The following NUSAP1 variants were observed in gnomAD, a reference collection of about 807,000 sequenced individuals.
NUSAP1 encodes nucleolar and spindle associated protein 1.
Under a neutral mutation model 52.8 loss-of-function variants are expected in NUSAP1, and 32 were observed. The ratio of observed to expected loss-of-function variants is 0.61; its 90% CI spans 0.46 to 0.81. NUSAP1 has a LOEUF of 0.81. Among genes scored for constraint, NUSAP1 ranks in the 40% least tolerant of loss-of-function variants. NUSAP1 has a pLI of 0.00. For missense variants in NUSAP1, 499 were observed against 522.3 expected (o/e 0.96, Z 0.43); for synonymous variants, 195 against 183.1 (o/e 1.06, Z -0.52).
At chr15:41,333,707 G>C (rs1185908849) in intron 1 of NUSAP1, among the ~76,000 whole-genome samples, 1 of 152,192 alleles carries the variant, frequency 6.6e-6, no homozygotes, top group Non-Finnish European at 1.5e-5. Flanking sequence ...GATCACCTGA[G>C]GTCAGGAGTT....
rs2048032471 is a variant in NUSAP1 at position 41,334,212 on chromosome 15, G to T, written c.93+1162G>T. Among the ~76,000 whole-genome samples the T allele has an allele frequency of 2.0e-5, 3 of 152,122 alleles. No homozygotes were observed. In the South Asian group the frequency reaches 6.2e-4, roughly 31 times the overall value. Reference sequence around the variant, plus strand: ...CGGCTCACCGCAACCTCCGCCTCCTGGGTTCAAGCGATTCTCCTGCCTCAG... The same window carrying T: ...CGGCTCACCGCAACCTCCGCCTCCTTGGTTCAAGCGATTCTCCTGCCTCAG... On this transcript the variant is annotated intron_variant, in intron 1 of 10. Transcript: ENST00000559596.
chr15:41,356,471 C>T (rs1454464340), intron 5 of NUSAP1, among the ~76,000 whole-genome samples: 2 of 150,786 alleles, frequency 1.3e-5, no homozygotes, highest in Admixed American at 6.7e-5. Context: ...TCTCCTGACT[C>T]AGCCTCCCTA....
At chr15:41,365,677 G>A (rs945873200) in intron 7 of NUSAP1, 88 bp downstream of exon 7, 21 of 923,940 alleles carry the variant, frequency 2.3e-5, no homozygotes, top group African/African-American at 2.0e-4. Context: ...AATAATATTC[G>A]TACATACTCA....
intron 5 of NUSAP1, among the ~76,000 whole-genome samples, chr15:41,356,854 TTCTCTATCTTA>T (rs2048992619): frequency 6.6e-6 from 1 of 152,206 alleles, no homozygotes; most frequent in Non-Finnish European, 1.5e-5. Context: ...CATGTAAGTC[TTCTCTATCTTA>T]TATTGTTGGA....
intron 6 of NUSAP1, among the ~76,000 whole-genome samples, chr15:41,364,215 A>G (rs1404442829): frequency 2.6e-5 from 4 of 152,192 alleles, no homozygotes; most frequent in Middle Eastern, 3.4e-3. Context: ...CTTTGTGGCT[A>G]CAAGGGACTG....
chr15:41,375,499 G>A (rs568987317), intron 8 of NUSAP1, among the ~76,000 whole-genome samples: 1 of 151,984 alleles, frequency 6.6e-6, no homozygotes, highest in Non-Finnish European at 1.5e-5. Context: ...TTTTTGTGGA[G>A]ACAGGGTTTC....
intron 2 of NUSAP1, 149 bp from the exon 3 acceptor site, chr15:41,348,949 C>A (rs2048683264): frequency 2.7e-6 from 2 of 738,910 alleles, no homozygotes; most frequent in Non-Finnish European, 4.2e-6. Flanking sequence ...CTCTATAATT[C>A]TTGTCTTTGC....
intron 3 of NUSAP1, among the ~76,000 whole-genome samples, chr15:41,349,698 C>A (rs376751237): frequency 6.6e-6 from 1 of 150,958 alleles, no homozygotes; most frequent in African/African-American, 2.4e-5. Flanking sequence ...TGGTTTTATT[C>A]TTTTATCTTA....
At position 41,375,884 on chromosome 15, in the gene NUSAP1, C is replaced by A. The variant is rs1413229652; in HGVS notation, c.1123+56C>A. 28 of 1,213,118 alleles carry A rather than the reference C, an allele frequency of 2.3e-5. No homozygotes were observed. In the South Asian group the frequency reaches 3.3e-4, roughly 14 times the overall value. The allele number at this position is 1,213,118 out of a possible 1,614,324, so 75.1% of individuals were successfully genotyped here. A position where few individuals can be genotyped will look rare whatever the true frequency, so the allele number is the denominator to read the frequency against. On this transcript the variant is annotated intron_variant, in intron 9 of 10. Coordinates refer to ENST00000559596, the MANE Select transcript of NUSAP1 (RefSeq NM_016359.5). The stretch of plus-strand genomic sequence containing the variant: ...TGTAAAATACTTAAGATTGGTGGGA[C>A]GCAGTGGCTCACACCTACTAAACAT...
Position 41,380,311 on chromosome 15 carries a change from T to C in NUSAP1, c.*125T>C. ...TTTTCTGCTAACTGTTCATAGTCTG[T>C]GTAGTGTCCATGGGTTCTTCATGTG... On this transcript the variant is annotated 3_prime_UTR_variant, in exon 11 of 11. Transcript: ENST00000559596. 1.6e-6 allele frequency: 1 copy of C among 637,836 alleles called. No homozygotes were observed. Among genetic ancestry groups the C allele is most frequent in the Non-Finnish European group, 2.8e-6 (1 of 363,118 alleles). The allele number at this position is 637,836 out of a possible 1,614,324, so 39.5% of individuals were successfully genotyped here. A position where few individuals can be genotyped will look rare whatever the true frequency, so the allele number is the denominator to read the frequency against.
At chr15:41,350,206 G>A (rs2048729363) in intron 3 of NUSAP1, among the ~76,000 whole-genome samples, 2 of 152,124 alleles carry the variant, frequency 1.3e-5, no homozygotes, top group Admixed American at 1.3e-4. Flanking sequence ...TAAAAGCTGA[G>A]CCTTGAACAA....
chr15:41,341,107 G>C (rs2048350543), intron 1 of NUSAP1, among the ~76,000 whole-genome samples: 1 of 152,148 alleles, frequency 6.6e-6, no homozygotes. Flanking sequence ...CTATCGCCCA[G>C]ACTAGAGTGC....
At chr15:41,347,295 G>A (rs1365009029) in intron 2 of NUSAP1, among the ~76,000 whole-genome samples, 1 of 152,070 alleles carries the variant, frequency 6.6e-6, no homozygotes. Context: ...ATAGACATCT[G>A]GTAGACTGCC....
At chr15:41,353,018 A>G (rs748489794) in intron 4 of NUSAP1, among the ~76,000 whole-genome samples, 2 of 152,122 alleles carry the variant, frequency 1.3e-5, no homozygotes, top group Non-Finnish European at 2.9e-5. Flanking sequence ...GGTTTTTCCT[A>G]TGGCTAGTCA....
intron 8 of NUSAP1, among the ~76,000 whole-genome samples, chr15:41,372,298 G>A (rs563464059): frequency 2.0e-5 from 3 of 152,132 alleles, no homozygotes; most frequent in African/African-American, 4.8e-5. Context: ...TTGCAGCCTC[G>A]GAAAGGTCCT....
chr15:41,338,367 A>G (rs1325404844), intron 1 of NUSAP1, among the ~76,000 whole-genome samples: 1 of 152,156 alleles, frequency 6.6e-6, no homozygotes, highest in Non-Finnish European at 1.5e-5. Flanking sequence ...AGGTCCAAGC[A>G]TTGACAGTCT....
At position 41,361,711 on chromosome 15, in the gene NUSAP1, A is replaced by G. The variant is rs560430343; in HGVS notation, c.660+3453A>G. The stretch of plus-strand genomic sequence containing the variant: ...AATGTGTTGAATAAACGAATAGTTT[A>G]TCTTACTTTTTAGTATAACTCCAGC... On this transcript the variant is annotated intron_variant, in intron 6 of 10. Coordinates refer to ENST00000559596, the MANE Select transcript of NUSAP1 (RefSeq NM_016359.5). 2.6e-5 allele frequency among the ~76,000 whole-genome samples: 4 copies of G among 152,362 alleles called. No individual in the cohort carries two copies. The East Asian group carries it at 5.8e-4, about 22-fold the overall frequency.
At chr15:41,358,057 C>T (rs1190364163) in intron 5 of NUSAP1, 92 bp from the exon 6 acceptor site, 2 of 546,546 alleles carry the variant, frequency 3.7e-6, no homozygotes, top group African/African-American at 4.0e-5. Context: ...GTCAGGGATG[C>T]AAAGAAGAGA....
chr15:41,360,307 T>TTTTGTTTG (rs199646414), intron 6 of NUSAP1, among the ~76,000 whole-genome samples: 36 of 148,974 alleles, frequency 2.4e-4, no homozygotes, highest in South Asian at 6.4e-4. Flanking sequence ...CCCGGCTAAT[T>TTTTGTTTG]TTTGTTTGTT....
Sources: allele counts gnomAD v4.1 joint callset (sites outside exome capture counted in the v4.1 genomes callset), GRCh38; gene constraint gnomAD v4.1.1; transcripts MANE v1.5; gene names NCBI Gene and HGNC (gene_info 2026-07-23, HGNC 2026-07-21).